The following SH3GL2 variants were observed in gnomAD, a reference collection of about 807,000 sequenced individuals.
SH3GL2 encodes the protein endophilin-A1.
SH3GL2 carries 24 observed loss-of-function variants against 46.0 expected under a neutral mutation model. The observed-to-expected ratio is 0.52, with a 90% CI of 0.38 to 0.73. SH3GL2 has a LOEUF of 0.73. Among genes scored for constraint, SH3GL2 ranks in the 30% least tolerant of loss-of-function variants. The pLI is 0.00. For synonymous variants in SH3GL2, 196 were observed against 147.1 expected, an observed-to-expected ratio of 1.33 and a Z score of -2.40; for missense variants, 413 against 424.2, an observed-to-expected ratio of 0.97 and a Z score of 0.23.
intron 1 of SH3GL2, among the ~76,000 whole-genome samples, chr9:17,613,495 G>A (rs1470879900): frequency 6.6e-6 from 1 of 152,176 alleles, no homozygotes; most frequent in Non-Finnish European, 1.5e-5. Context: ...TCTGTTCCCT[G>A]CAATTCTGAA....
At position 17,599,675 on chromosome 9, in the gene SH3GL2, C is replaced by T. The variant is rs75969526; in HGVS notation, c.45+20388C>T. ...TGGAAACCTTTCTTTGACGTGCTTA[C>T]GGTTGGGGGACAGATTCTAGCCAGG... On this transcript the variant is annotated intron_variant, in intron 1 of 8. Coordinates refer to ENST00000380607, the MANE Select transcript of SH3GL2 (RefSeq NM_003026.5). Among the ~76,000 whole-genome samples the T allele has an allele frequency of 2.4e-3, 363 of 152,186 alleles. 12 individuals are homozygous for T. In the East Asian group the frequency reaches 0.049, roughly 21 times the overall value.
chr9:17,710,902 T>G (rs908007660), intron 1 of SH3GL2, among the ~76,000 whole-genome samples: 10 of 151,906 alleles, frequency 6.6e-5, no homozygotes, highest in Non-Finnish European at 1.3e-4. Flanking sequence ...TGTATATAAA[T>G]TAGATACAGT....
chr9:17,769,096 A>G (rs1267214421), intron 3 of SH3GL2, among the ~76,000 whole-genome samples: 1 of 152,000 alleles, frequency 6.6e-6, no homozygotes, highest in East Asian at 1.9e-4. Context: ...CTCAAATGTC[A>G]CCTAATTTGT....
intron 1 of SH3GL2, among the ~76,000 whole-genome samples, chr9:17,712,384 C>T (rs186322979): frequency 1.3e-4 from 19 of 151,794 alleles, no homozygotes; most frequent in South Asian, 4.2e-4. Context: ...AAAACTTTGC[C>T]GAACCCAAGT....
chr9:17,590,584 T>A (rs1342964846), intron 1 of SH3GL2: 1 of 152,222 alleles, frequency 6.6e-6, no homozygotes, highest in East Asian at 1.9e-4. Context: ...TTTCACCTTT[T>A]GATCATTATA....
chr9:17,585,962 A>G (rs1213112663), intron 1 of SH3GL2, among the ~76,000 whole-genome samples: 1 of 152,196 alleles, frequency 6.6e-6, no homozygotes, highest in East Asian at 1.9e-4. Context: ...AAGGAGCCTA[A>G]AAGCTTAAGA....
At chr9:17,727,158 G>A (rs1314336871) in intron 1 of SH3GL2, among the ~76,000 whole-genome samples, 1 of 152,198 alleles carries the variant, frequency 6.6e-6, no homozygotes, top group African/African-American at 2.4e-5. Flanking sequence ...TCTACAGAGA[G>A]CAACATATAT....
intron 1 of SH3GL2, among the ~76,000 whole-genome samples, chr9:17,686,938 AT>A (rs1347951390): frequency 9.0e-6 from 1 of 110,874 alleles, no homozygotes; most frequent in Admixed American, 1.1e-4. Context: ...TTAAAGTATA[AT>A]TAAAAAAAAA....
intron 1 of SH3GL2, among the ~76,000 whole-genome samples, chr9:17,658,808 C>G (rs565882445): frequency 6.6e-5 from 10 of 152,286 alleles, no homozygotes; most frequent in East Asian, 3.9e-4. Context: ...CTGACTCCCC[C>G]AAGATGCCCC....
rs1824276893 is a variant in SH3GL2, at chr9:17,796,490, G to C, written c.*747G>C. On this transcript the variant is annotated 3_prime_UTR_variant, in exon 9 of 9. Transcript: ENST00000380607. ...AATTGGGAAGAAATCTGGTATCCAA[G>C]CTTAAATTTCTTGCTATACAGAAAC... is the stretch of plus-strand genomic sequence containing the variant. 6.6e-6 allele frequency: 1 copy of C among 151,900 alleles called. No individual in the cohort carries two copies. Among genetic ancestry groups the C allele is most frequent in the South Asian group, 2.2e-4 (1 of 4,566 alleles). The allele number at this position is 151,900 out of a possible 1,614,324, so 9.4% of individuals were successfully genotyped here.
chr9:17,781,602 A>G (rs1044905761), intron 3 of SH3GL2, among the ~76,000 whole-genome samples: 2 of 152,100 alleles, frequency 1.3e-5, no homozygotes, highest in African/African-American at 2.4e-5. Context: ...GTTGCAGGGT[A>G]TGTGTCTATT....
chr9:17,663,684 T>G (rs1330506027), intron 1 of SH3GL2, among the ~76,000 whole-genome samples: 1 of 152,192 alleles, frequency 6.6e-6, no homozygotes, highest in Admixed American at 6.5e-5. Context: ...CTGGTATAAA[T>G]TTACTGAGGA....
intron 1 of SH3GL2, among the ~76,000 whole-genome samples, chr9:17,719,101 G>C (rs900771485): frequency 6.6e-6 from 1 of 152,092 alleles, no homozygotes; most frequent in African/African-American, 2.4e-5. Flanking sequence ...TTACTTTTAA[G>C]CTCACTGCAT....
chr9:17,666,432 T>G (rs372277118), intron 1 of SH3GL2, among the ~76,000 whole-genome samples: 8 of 152,094 alleles, frequency 5.3e-5, no homozygotes, highest in African/African-American at 1.7e-4. Flanking sequence ...TAGTTCCTGT[T>G]ACCTATAGGT....
intron 3 of SH3GL2, among the ~76,000 whole-genome samples, chr9:17,782,366 A>G (rs2131180314): frequency 6.6e-6 from 1 of 152,216 alleles, no homozygotes; most frequent in African/African-American, 2.4e-5. Flanking sequence ...CATAGAGCAG[A>G]TTTTCATGGC....
intron 1 of SH3GL2, among the ~76,000 whole-genome samples, chr9:17,673,837 C>G (rs1247688951): frequency 6.6e-6 from 1 of 152,096 alleles, no homozygotes; most frequent in Non-Finnish European, 1.5e-5. Flanking sequence ...TCTAGGGTGC[C>G]TCCCTTGATT....
intron 1 of SH3GL2, among the ~76,000 whole-genome samples, chr9:17,640,827 A>T (rs1478527911): frequency 6.6e-6 from 1 of 152,226 alleles, no homozygotes; most frequent in East Asian, 1.9e-4. Context: ...GGTCAGCTTT[A>T]ACATATCCTT....
At chr9:17,676,747 A>G (rs371796567) in intron 1 of SH3GL2, among the ~76,000 whole-genome samples, 1 of 152,242 alleles carries the variant, frequency 6.6e-6, no homozygotes, top group Non-Finnish European at 1.5e-5. Flanking sequence ...TCTTAAAACA[A>G]GATTGCTGGC....
intron 2 of SH3GL2, among the ~76,000 whole-genome samples, chr9:17,751,265 T>G (rs141920483): frequency 6.6e-6 from 1 of 152,222 alleles, no homozygotes; most frequent in Admixed American, 6.5e-5. Flanking sequence ...ATTGGCAGAT[T>G]CAGGTGTGGA....
Sources: allele counts gnomAD v4.1 joint callset (sites outside exome capture counted in the v4.1 genomes callset), GRCh38; gene constraint gnomAD v4.1.1; transcripts MANE v1.5; gene names NCBI Gene and HGNC (gene_info 2026-07-23, HGNC 2026-07-21).